The following TBC1D2 variants were observed in gnomAD, a reference collection of about 807,000 sequenced individuals.
TBC1D2 encodes the protein TBC1 domain family member 2A.
TBC1D2 carries 58 observed loss-of-function variants against 91.1 expected under a neutral mutation model. The observed-to-expected ratio is 0.64, with a 90% CI of 0.52 to 0.79. The LOEUF is 0.79. Among genes scored for constraint, TBC1D2 ranks in the 30% least tolerant of loss-of-function variants. The probability of loss-of-function intolerance (pLI) is 0.00; values close to 1 mark genes in which losing one functional copy is unlikely to be tolerated. For missense variants in TBC1D2, 1,080 were observed against 1,208.3 expected, an observed-to-expected ratio of 0.89 and a Z score of 1.57; for synonymous variants, 482 against 511.5, an observed-to-expected ratio of 0.94 and a Z score of 0.78.
chr9:98,208,639 C>T (rs1828720602), intron 9 of TBC1D2, 29 bp downstream of exon 9: 1 of 1,511,104 alleles, frequency 6.6e-7, no homozygotes, highest in Admixed American at 2.3e-5. Flanking sequence ...AGGTAAAGAT[C>T]ACACCTTCAC....
At position 98,231,279 on chromosome 9, in the gene TBC1D2, CTTTT is replaced by C. The variant is rs35195996; in HGVS notation, c.781+2133_782-2132del. On this transcript the variant is annotated intron_variant, in intron 4 of 12. Transcript: ENST00000465784. ...GACTCCAACTCCAGCCTCAACTCTG[CTTTT>C]TTTTTTTTTTTTTTTTTTTTTAATT... Among the ~76,000 whole-genome samples, 20 of 76,714 alleles carry C rather than the reference CTTTT, an allele frequency of 2.6e-4. No homozygotes were observed. In the South Asian group the frequency reaches 6.8e-3, roughly 26 times the overall value. 50.3% of individuals were successfully genotyped at this position (76,714 alleles called of 152,430 possible).
Position 98,203,404 on chromosome 9 carries a change from C to T in TBC1D2, c.2155G>A (p.Ala719Thr), listed in dbSNP as rs775967260. Residue 719 changes from alanine (A) to threonine (T), a missense_variant, in exon 10 of 13, where the codon GCG (alanine) becomes ACG (threonine). Ala to Thr is a moderately conservative substitution (Grantham distance 58). Coordinates refer to ENST00000465784, the MANE Select transcript of TBC1D2 (RefSeq NM_001267571.2). ...TCTAGGACCAGCAGGGCAATGGCCGCCAGCCTGGAGTAGTAGGGAAGGCCT... is the reference window on the plus strand; with the variant it reads ...TCTAGGACCAGCAGGGCAATGGCCGTCAGCCTGGAGTAGTAGGGAAGGCCT... The part of the protein sequence containing the change: ...IGYCQGLNRL[A>T]AIALLVLEEE... 6.2e-7 allele frequency: 1 copy of T among 1,614,118 alleles called. No individual in the cohort carries two copies. Among genetic ancestry groups the T allele is most frequent in the South Asian group, 1.1e-5 (1 of 91,082 alleles).
At chr9:98,245,638 G>A (rs1245630924) in intron 2 of TBC1D2, among the ~76,000 whole-genome samples, 3 of 152,254 alleles carry the variant, frequency 2.0e-5, no homozygotes, top group East Asian at 1.9e-4. Context: ...AATATACTCC[G>A]CAATCTTAAC....
At chr9:98,231,577 A>G (rs887444856) in intron 4 of TBC1D2, among the ~76,000 whole-genome samples, 4 of 152,036 alleles carry the variant, frequency 2.6e-5, no homozygotes, top group Non-Finnish European at 4.4e-5. Flanking sequence ...GTTAAGATAG[A>G]CTGGGCAAAA....
intron 3 of TBC1D2, among the ~76,000 whole-genome samples, chr9:98,239,943 T>A (rs559609440): frequency 8.5e-5 from 13 of 152,348 alleles, no homozygotes; most frequent in Non-Finnish European, 1.6e-4. Context: ...ATCTAAGTTA[T>A]CAAATTTGTT....
intron 3 of TBC1D2, among the ~76,000 whole-genome samples, chr9:98,239,044 A>ATTAT (rs537101598): frequency 1.1e-4 from 16 of 151,558 alleles, no homozygotes; most frequent in East Asian, 5.8e-4. Flanking sequence ...TTTTAAAAAA[A>ATTAT]TTATTTATTT....
At chr9:98,213,786 C>A (rs1372254893) in intron 6 of TBC1D2, among the ~76,000 whole-genome samples, 1 of 152,230 alleles carries the variant, frequency 6.6e-6, no homozygotes, top group Non-Finnish European at 1.5e-5. Context: ...AGAACTTACT[C>A]ATAATCCTTT....
chr9:98,248,837 G>A (rs376915208), intron 2 of TBC1D2, among the ~76,000 whole-genome samples: 13 of 152,266 alleles, frequency 8.5e-5, no homozygotes, highest in African/African-American at 3.1e-4. Flanking sequence ...TATAAGTCTC[G>A]TGGGTTCCCT....
chr9:98,222,504 G>C (rs756392043), intron 5 of TBC1D2, among the ~76,000 whole-genome samples: 1 of 152,210 alleles, frequency 6.6e-6, no homozygotes, highest in South Asian at 2.1e-4. Flanking sequence ...TTCCTCAGCA[G>C]GGGCAACTAA....
intron 5 of TBC1D2, among the ~76,000 whole-genome samples, chr9:98,223,674 C>G (rs1003316113): frequency 3.3e-5 from 5 of 152,224 alleles, no homozygotes; most frequent in Non-Finnish European, 7.3e-5. Flanking sequence ...TTCATTACAT[C>G]TAGCTGTCTC....
chr9:98,251,346 C>G (rs1829870513), intron 2 of TBC1D2, among the ~76,000 whole-genome samples: 1 of 151,906 alleles, frequency 6.6e-6, no homozygotes. Context: ...TACAACACTG[C>G]ATTTTCTTAT....
chr9:98,226,037 G>A (rs1829225128), intron 5 of TBC1D2, among the ~76,000 whole-genome samples: 1 of 152,238 alleles, frequency 6.6e-6, no homozygotes, highest in African/African-American at 2.4e-5. Context: ...CCCAGCTGAT[G>A]AATGGGACTC....
At chr9:98,209,565 C>T (rs922158057) in intron 8 of TBC1D2, among the ~76,000 whole-genome samples, 5 of 152,292 alleles carry the variant, frequency 3.3e-5, no homozygotes, top group Non-Finnish European at 5.9e-5. Flanking sequence ...ACAGACAGCA[C>T]CAATGACAGA....
chr9:98,213,862 G>C lies in TBC1D2; in HGVS notation c.1375-644C>G, dbSNP rs935955643. On this transcript the variant is annotated intron_variant, in intron 6 of 12. Transcript: ENST00000465784. ...GGTTTTTGATTATGAATAATGCTGT[G>C]ATAAACATCTCTGAGTTTTCCTTTT... Among the ~76,000 whole-genome samples the C allele has an allele frequency of 3.9e-5, 6 of 152,272 alleles. No individual in the cohort carries two copies. The South Asian group carries it at 1.0e-3, about 26-fold the overall frequency.
At chr9:98,225,961 TC>T (rs1480401500) in intron 5 of TBC1D2, among the ~76,000 whole-genome samples, 1 of 152,206 alleles carries the variant, frequency 6.6e-6, no homozygotes, top group Non-Finnish European at 1.5e-5. Context: ...GGAGGTGCCT[TC>T]CCACTAAAGA....
Position 98,209,016 on chromosome 9 carries a change from G to A in TBC1D2, c.1802C>T (p.Pro601Leu), listed in dbSNP as rs576747301. Residue 601 changes from proline to leucine, a missense_variant, in exon 9 of 13, where the codon CCG (proline) becomes CTG (leucine). Transcript: ENST00000465784. ...HLLGLEAVDR[P>L]LRERWAALGD... ...CAGGGCAGCCCAGCGCTCCCTCAGC[G>A]GCCGATCCACAGCCTCGAGGCCCAG... 28 of 1,614,140 alleles carry A rather than the reference G, an allele frequency of 1.7e-5. No homozygotes were observed. The highest frequency in any genetic ancestry group is 1.6e-4 in the Middle Eastern group (1 of 6,062).
chr9:98,248,294 C>G (rs1588067113), intron 2 of TBC1D2, among the ~76,000 whole-genome samples: 1 of 152,254 alleles, frequency 6.6e-6, no homozygotes, highest in East Asian at 1.9e-4. Context: ...CCAACAGAGA[C>G]CAGCACTTCC....
intron 2 of TBC1D2, among the ~76,000 whole-genome samples, chr9:98,246,927 G>C: frequency 6.6e-6 from 1 of 152,012 alleles, no homozygotes; most frequent in Non-Finnish European, 1.5e-5. Flanking sequence ...CTAGGGGTTT[G>C]AGCAGGAGGC....
intron 2 of TBC1D2, among the ~76,000 whole-genome samples, chr9:98,247,374 CAAG>C (rs1321523919): frequency 7.3e-6 from 1 of 136,572 alleles, no homozygotes; most frequent in East Asian, 2.2e-4. Context: ...AAAAAAAAAA[CAAG>C]AAGGATACTC....
Sources: allele counts gnomAD v4.1 joint callset (sites outside exome capture counted in the v4.1 genomes callset), GRCh38; gene constraint gnomAD v4.1.1; transcripts MANE v1.5; gene names NCBI Gene and HGNC (gene_info 2026-07-23, HGNC 2026-07-21).